The following USP13 variants were observed in gnomAD, a reference collection of about 807,000 sequenced individuals.
USP13 encodes the protein ubiquitin specific peptidase 13.
In USP13, 68 loss-of-function variants were observed where a neutral mutation model predicts 107.8. The observed-to-expected ratio is 0.63, with a 90% CI of 0.52 to 0.77. The LOEUF is 0.77. Ranked by LOEUF, USP13 falls within the 30% of genes least tolerant of loss-of-function variation. The pLI, the probability that USP13 is intolerant of heterozygous loss-of-function variation, is 0.00. For synonymous variants in USP13, 377 were observed against 389.5 expected, an observed-to-expected ratio of 0.97 and a Z score of 0.38; for missense variants, 945 against 1,093.3, an observed-to-expected ratio of 0.86 and a Z score of 1.91.
At chr3:179,758,777 C>T (rs570352723) in intron 16 of USP13, among the ~76,000 whole-genome samples, 11 of 152,032 alleles carry the variant, frequency 7.2e-5, no homozygotes, top group Non-Finnish European at 1.2e-4. Context: ...GGATTACACA[C>T]GTGAGCCACC....
intron 1 of USP13, among the ~76,000 whole-genome samples, chr3:179,657,791 GA>G (rs1720320855): frequency 7.5e-6 from 1 of 133,580 alleles, no homozygotes; most frequent in South Asian, 2.5e-4. Flanking sequence ...AAAAAAGAAA[GA>G]AAAAGAGTTA....
chr3:179,659,958 G>A (rs545628055), intron 1 of USP13, among the ~76,000 whole-genome samples: 3 of 152,258 alleles, frequency 2.0e-5, no homozygotes, highest in African/African-American at 4.8e-5. Context: ...AGGGAGAATC[G>A]CTTGAACCTG....
chr3:179,743,353 A>C (rs905653037), intron 12 of USP13, among the ~76,000 whole-genome samples: 1 of 151,788 alleles, frequency 6.6e-6, no homozygotes, highest in Admixed American at 6.6e-5. Flanking sequence ...CACGTTCTAC[A>C]CATGTATCCT....
At chr3:179,774,704 A>G (rs888402733) in intron 19 of USP13, among the ~76,000 whole-genome samples, 2 of 152,166 alleles carry the variant, frequency 1.3e-5, no homozygotes, top group African/African-American at 4.8e-5. Context: ...CACAGTTTGG[A>G]AGGGGACCCA....
At chr3:179,737,172 G>C (rs1355601005) in intron 10 of USP13, among the ~76,000 whole-genome samples, 2 of 152,148 alleles carry the variant, frequency 1.3e-5, no homozygotes, top group African/African-American at 2.4e-5. Context: ...CCTCAGAAAT[G>C]AGATGTTGGC....
At position 179,690,245 on chromosome 3, in the gene USP13, T is replaced by C. The variant is rs763365010; in HGVS notation, c.299T>C (p.Val100Ala). 6.2e-6 allele frequency: 10 copies of C among 1,613,640 alleles called. No homozygotes were observed. In the African/African-American group the frequency reaches 9.3e-5, roughly 15 times the overall value. The change falls in exon 3 of 21, where the codon GTA becomes GCA. Residue 100 changes from valine to alanine, a missense_variant. Val to Ala is a moderately conservative substitution (Grantham distance 64). Transcript: ENST00000263966. ...GATCTTTTGTTTTCTTTTCAGAAGG[T>C]AAGAGGGGCGTCTGGTGGAGCGTTA... The part of the protein sequence containing the change: ...MHLKRHVREK[V>A]RGASGGALPK...
Position 179,742,480 on chromosome 3 carries a change from A to T in USP13, c.1534+130A>T. The T allele has an allele frequency of 9.4e-7, 1 of 1,064,976 alleles. No homozygotes were observed. Among genetic ancestry groups the T allele is most frequent in the South Asian group, 1.7e-5 (1 of 59,450 alleles). 66.0% of individuals were successfully genotyped at this position (1,064,976 alleles called of 1,614,324 possible). A position where few individuals can be genotyped will look rare whatever the true frequency, so the allele number is the denominator to read the frequency against. The stretch of plus-strand genomic sequence containing the variant: ...AGCCCAGGTGATGTCTGCTTTGCAC[A>T]TCTCTTTTCATCTCTTTGTTAGTTC... On this transcript the variant is annotated intron_variant, in intron 12 of 20. Coordinates refer to ENST00000263966, the MANE Select transcript of USP13 (RefSeq NM_003940.3). The surrounding 1 kb of genome is among the most constrained non-coding windows in gnomAD (Gnocchi z 5.0).
intron 6 of USP13, among the ~76,000 whole-genome samples, chr3:179,717,074 TG>T (rs1713136647): frequency 6.6e-6 from 1 of 152,172 alleles, no homozygotes; most frequent in Non-Finnish European, 1.5e-5. Context: ...TCCCTAACTG[TG>T]GTTCTTGGCT....
At chr3:179,687,067 G>A (rs1410093200) in intron 2 of USP13, among the ~76,000 whole-genome samples, 1 of 152,134 alleles carries the variant, frequency 6.6e-6, no homozygotes, top group Non-Finnish European at 1.5e-5. Flanking sequence ...TCTCTAAGCT[G>A]ATGACATTCA....
chr3:179,758,165 A>G (rs1714872077), intron 16 of USP13, among the ~76,000 whole-genome samples: 1 of 152,046 alleles, frequency 6.6e-6, no homozygotes. Flanking sequence ...TAGATCTAGG[A>G]AGTTTTGGAG....
intron 17 of USP13, among the ~76,000 whole-genome samples, chr3:179,762,318 C>G (rs192877399): frequency 6.6e-6 from 1 of 152,190 alleles, no homozygotes; most frequent in Non-Finnish European, 1.5e-5. Context: ...TGGTGGCTTA[C>G]GCCTGTAATC....
At chr3:179,724,460 GAA>G (rs10671346) in intron 8 of USP13, among the ~76,000 whole-genome samples, 2 of 85,110 alleles carry the variant, frequency 2.3e-5, no homozygotes, top group Non-Finnish European at 5.7e-5. Context: ...TCTGTCTCAA[GAA>G]AAAAAAAAAA....
intron 15 of USP13, 120 bp from the exon 16 acceptor site, chr3:179,756,932 G>A: frequency 1.0e-6 from 1 of 972,030 alleles, no homozygotes; most frequent in African/African-American, 1.6e-5. Context: ...ATTGACAACA[G>A]TGTGTGGTCC....
chr3:179,708,262 C>T (rs924328961), intron 5 of USP13, among the ~76,000 whole-genome samples: 1 of 151,756 alleles, frequency 6.6e-6, no homozygotes, highest in Non-Finnish European at 1.5e-5. Context: ...ATCTGGGAGG[C>T]AGGCAGGGTG....
chr3:179,685,099 T>C (rs913994573), intron 2 of USP13, among the ~76,000 whole-genome samples: 10 of 152,158 alleles, frequency 6.6e-5, no homozygotes, highest in Non-Finnish European at 1.5e-4. Flanking sequence ...ACCTCTTTTT[T>C]CACATTTCCT....
intron 10 of USP13, among the ~76,000 whole-genome samples, chr3:179,735,065 G>C (rs1194911970): frequency 6.6e-6 from 1 of 152,220 alleles, no homozygotes; most frequent in African/African-American, 2.4e-5. Context: ...ATTGCTGATG[G>C]AGAAAGTAAG....
Position 179,708,756 on chromosome 3 carries a change from C to T in USP13, c.621-17C>T. The T allele has an allele frequency of 1.2e-6, 2 of 1,613,668 alleles. No homozygotes were observed. The highest frequency in any genetic ancestry group is 1.7e-6 in the Non-Finnish European group (2 of 1,179,802). ...TTATGCCCTGGCTGTTCTGACTACT[C>T]TCCAATGGCTTTCCAGTGGTTGGAA... On this transcript the variant is annotated splice_polypyrimidine_tract_variant and intron_variant, in intron 5 of 20. Transcript: ENST00000263966.
intron 11 of USP13, among the ~76,000 whole-genome samples, chr3:179,741,169 C>T (rs898794733): frequency 3.3e-5 from 5 of 152,088 alleles, no homozygotes; most frequent in African/African-American, 9.6e-5. Context: ...CTTAATGCCA[C>T]GCCCTGCAGC....
At chr3:179,690,584 A>G (rs917680476) in intron 3 of USP13, among the ~76,000 whole-genome samples, 1 of 151,854 alleles carries the variant, frequency 6.6e-6, no homozygotes, top group Non-Finnish European at 1.5e-5. Context: ...CTTTATTTTT[A>G]TTTTTTGAGA....
Sources: allele counts gnomAD v4.1 joint callset (sites outside exome capture counted in the v4.1 genomes callset), GRCh38; gene constraint gnomAD v4.1.1; non-coding constraint Gnocchi (gnomAD v3.1); transcripts MANE v1.5; gene names NCBI Gene and HGNC (gene_info 2026-07-23, HGNC 2026-07-21).